RTRAF: variants seen among roughly 807,000 people sequenced by gnomAD.
RTRAF encodes RNA transcription, translation and transport factor, also known as tRNA-splicing ligase complex subunit RTRAF.
RTRAF carries 14 observed loss-of-function variants against 34.4 expected under a neutral mutation model. The ratio of observed to expected loss-of-function variants is 0.41; its 90% confidence interval spans 0.27 to 0.64. The LOEUF (loss-of-function observed/expected upper bound fraction) is 0.64. RTRAF is among the 30% of genes least tolerant of loss of function. The probability of loss-of-function intolerance (pLI) is 0.34; values close to 1 mark genes in which losing one functional copy is unlikely to be tolerated. For synonymous variants in RTRAF, 96 were observed against 95.3 expected (o/e 1.01, Z -0.04); for missense variants, 291 against 288.4 (o/e 1.01, Z -0.06).
intron 1 of RTRAF, among the ~76,000 whole-genome samples, chr14:51,990,819 T>C (rs1890420936): frequency 6.6e-6 from 1 of 152,212 alleles, no homozygotes; most frequent in Non-Finnish European, 1.5e-5. Flanking sequence ...TACTTATTAT[T>C]TTGTTGTATA....
chr14:51,992,123 G>A (rs957051249), intron 2 of RTRAF, among the ~76,000 whole-genome samples: 1 of 152,036 alleles, frequency 6.6e-6, no homozygotes, highest in African/African-American at 2.4e-5. Context: ...AATGATCTCT[G>A]GTATATCATA....
In RTRAF at chr14:51,999,705, T is replaced by C. The variant is rs1262860146; in HGVS notation, c.374-3T>C. On this transcript the variant is annotated splice_polypyrimidine_tract_variant and splice_region_variant and intron_variant, in intron 4 of 7. Coordinates refer to ENST00000261700, the MANE Select transcript of RTRAF (RefSeq NM_016039.3). ...GTTTTTGTTTGTTTTTAATCTTTTA[T>C]AGTAAATAATCCTGATTTTAAGGCT... 1.3e-6 allele frequency: 2 copies of C among 1,595,774 alleles called. No homozygotes were observed. The highest frequency in any genetic ancestry group is 1.7e-6 in the Non-Finnish European group (2 of 1,166,080).
chr14:51,999,981 C>G, intron 5 of RTRAF, 185 bp downstream of exon 5: 1 of 476,512 alleles, frequency 2.1e-6, no homozygotes, highest in Non-Finnish European at 3.7e-6. Flanking sequence ...CTGCACTATG[C>G]TAAATCCTTT....
chr14:52,004,355 A>T lies in RTRAF; in HGVS notation c.581-7A>T, dbSNP rs761641020. On this transcript the variant is annotated splice_region_variant and splice_polypyrimidine_tract_variant and intron_variant, in intron 7 of 7. Transcript: ENST00000261700. ...TATTGAAGCAGTGTTCTTTTCTCAT[A>T]AAACAGATGCAGTTCTTAATGAAGC... is the stretch of plus-strand genomic sequence containing the variant. The T allele has an allele frequency of 3.1e-6, 5 of 1,612,936 alleles. No homozygotes were observed. The South Asian group carries it at 5.5e-5, about 18-fold the overall frequency.
chr14:51,996,442 C>A (rs1213181604), intron 3 of RTRAF, among the ~76,000 whole-genome samples: 1 of 152,024 alleles, frequency 6.6e-6, no homozygotes, highest in African/African-American at 2.4e-5. Flanking sequence ...TTGCGCTCTA[C>A]TATTTTTTGA....
Position 52,005,400 on chromosome 14 carries a change from T to G in RTRAF, c.*884T>G. On this transcript the variant is annotated 3_prime_UTR_variant, in exon 8 of 8. Transcript: ENST00000261700. The stretch of plus-strand genomic sequence containing the variant: ...AGGAACGTCTAATGGCCAATTCCTT[T>G]TTTACTTTCTTTGCCTTTGCAGTCA... 1 of 1,353,466 alleles carries G rather than the reference T, an allele frequency of 7.4e-7. No individual in the cohort carries two copies. The highest frequency in any genetic ancestry group is 9.9e-7 in the Non-Finnish European group (1 of 1,011,208). 83.8% of individuals were successfully genotyped at this position (1,353,466 alleles called of 1,614,324 possible).
intron 3 of RTRAF, chr14:51,997,847 A>G (rs1890544237): frequency 6.6e-6 from 1 of 151,764 alleles, no homozygotes; most frequent in South Asian, 2.1e-4. Context: ...CCCTCCTCCC[A>G]TTCTTCTACC....
rs759167238 is a variant in RTRAF at position 52,004,201 on chromosome 14, C to G, written c.539C>G (p.Pro180Arg). The G allele has an allele frequency of 2.5e-6, 4 of 1,612,472 alleles. No individual in the cohort carries two copies. The highest frequency in any genetic ancestry group is 3.4e-6 in the Non-Finnish European group (4 of 1,178,930). The change falls in exon 7 of 8, where the codon CCT becomes CGT. Residue 180 changes from proline to arginine, a missense_variant. Transcript: ENST00000261700. ...GTCTTTCTTTTTTTAAAGGGCTTAC[C>G]TGTTGCTTTAGACAAACATATTCTT... ...AKANQTKEGL[P>R]VALDKHILGF...
chr14:52,004,634 G>A lies in RTRAF; in HGVS notation c.*118G>A. The A allele has an allele frequency of 1.0e-6, 1 of 982,442 alleles. No homozygotes were observed. Among genetic ancestry groups the A allele is most frequent in the South Asian group, 1.9e-5 (1 of 53,130 alleles). 60.9% of individuals were successfully genotyped at this position (982,442 alleles called of 1,614,324 possible). Reference sequence around the variant, plus strand: ...GGAGGAAGCCCAGAAAATTGGGTATGTTCTAGAGATTTACCACCATTGCTT... The same window carrying A: ...GGAGGAAGCCCAGAAAATTGGGTATATTCTAGAGATTTACCACCATTGCTT... On this transcript the variant is annotated 3_prime_UTR_variant, in exon 8 of 8. Transcript: ENST00000261700.
In RTRAF at chr14:52,007,726, G is replaced by C. The variant is rs1444719524; in HGVS notation, c.*3210G>C. ...CAAAGAAAGGAGATCTAAGTGATGGGATTTCATTTTGTAGTAAAATCTGTT... is the reference window on the plus strand; with the variant it reads ...CAAAGAAAGGAGATCTAAGTGATGGCATTTCATTTTGTAGTAAAATCTGTT... On this transcript the variant is annotated 3_prime_UTR_variant, in exon 8 of 8. Coordinates refer to ENST00000261700, the MANE Select transcript of RTRAF (RefSeq NM_016039.3). 5.0e-6 allele frequency: 6 copies of C among 1,195,640 alleles called. No individual in the cohort carries two copies. The highest frequency in any genetic ancestry group is 6.1e-6 in the Non-Finnish European group (5 of 823,244). 74.1% of individuals were successfully genotyped at this position (1,195,640 alleles called of 1,614,324 possible).
At position 51,989,681 on chromosome 14, in the gene RTRAF, C is replaced by T. The variant is rs1430611723; in HGVS notation, c.42C>T (p.Pro14=). The stretch of plus-strand genomic sequence containing the variant: ...TGACGGCTCTCGACTACCACAACCC[C>T]GCCGGCTTCAACTGCAAAGGTGAGG... The part of the protein sequence containing the change: ...RKLTALDYHN[P]AGFNCKDETE... Residue 14 remains proline, a synonymous_variant, in exon 1 of 8, where the codon CCC becomes CCT. Coordinates refer to ENST00000261700, the MANE Select transcript of RTRAF (RefSeq NM_016039.3). The T allele has an allele frequency of 2.5e-6, 4 of 1,605,268 alleles. No individual in the cohort carries two copies. In the South Asian group the frequency reaches 4.5e-5, roughly 18 times the overall value.
Position 52,004,412 on chromosome 14 carries a change from G to A in RTRAF, c.631G>A (p.Glu211Lys). Reference protein sequence around the residue: ...AQILRLLHIEELRELQTKINE... With the variant: ...AQILRLLHIEKLRELQTKINE... The stretch of plus-strand genomic sequence containing the variant: ...AATTCTGCGATTGCTGCACATAGAG[G>A]AGCTCAGAGAGCTACAGACAAAAAT... The change falls in exon 8 of 8, where the codon GAG (glutamate) becomes AAG (lysine). Residue 211 changes from glutamate (E) to lysine (K), a missense_variant. Coordinates refer to ENST00000261700, the MANE Select transcript of RTRAF (RefSeq NM_016039.3). The A allele has an allele frequency of 6.2e-7, 1 of 1,613,888 alleles. No homozygotes were observed.
At chr14:52,002,912 G>C (rs868538377) in intron 6 of RTRAF, among the ~76,000 whole-genome samples, 1 of 152,130 alleles carries the variant, frequency 6.6e-6, no homozygotes, top group Non-Finnish European at 1.5e-5. Context: ...TATATGAATC[G>C]AGCCACTGGA....
At position 52,005,556 on chromosome 14, in the gene RTRAF, C is replaced by T. The variant is rs569888830; in HGVS notation, c.*1040C>T. Reference sequence around the variant, plus strand: ...GGGTGAGTATATTGTAACCAAGTTGCAACAGCAAGTCTTTGCATTTTGTGT... The same window carrying T: ...GGGTGAGTATATTGTAACCAAGTTGTAACAGCAAGTCTTTGCATTTTGTGT... On this transcript the variant is annotated 3_prime_UTR_variant, in exon 8 of 8. Transcript: ENST00000261700. 2 of 1,563,008 alleles carry T rather than the reference C, an allele frequency of 1.3e-6. No individual in the cohort carries two copies. The highest frequency in any genetic ancestry group is 1.7e-6 in the Non-Finnish European group (2 of 1,149,992).
In RTRAF at chr14:51,989,884, G is replaced by GC. The variant is rs1384707921; in HGVS notation, c.61+187dup. Among the ~76,000 whole-genome samples the GC allele has an allele frequency of 1.2e-4, 18 of 152,332 alleles. No individual in the cohort carries two copies. In the South Asian group the frequency reaches 3.5e-3, roughly 30 times the overall value. ...TTCGCCGCCCCTTCCCGCCTTTAAA[G>GC]CCCTCTCACCTACTCCTGTCTCGGC... On this transcript the variant is annotated intron_variant, in intron 1 of 7. Transcript: ENST00000261700.
intron 6 of RTRAF, among the ~76,000 whole-genome samples, chr14:52,003,157 A>G (rs1301871401): frequency 6.6e-6 from 1 of 152,238 alleles, no homozygotes; most frequent in Admixed American, 6.5e-5. Context: ...ATACCAGCCT[A>G]TAACAATTTA....
rs749559241 is a variant in RTRAF at position 51,999,699 on chromosome 14, C to A, written c.374-9C>A. On this transcript the variant is annotated splice_polypyrimidine_tract_variant and intron_variant, in intron 4 of 7. Transcript: ENST00000261700. ...TTGTAAGTTTTTGTTTGTTTTTAAT[C>A]TTTTATAGTAAATAATCCTGATTTT... The A allele has an allele frequency of 4.4e-6, 7 of 1,588,140 alleles. No individual in the cohort carries two copies. Among genetic ancestry groups the A allele is most frequent in the African/African-American group, 1.3e-5 (1 of 74,324 alleles).
At chr14:51,992,330 C>T (rs1460738976) in intron 2 of RTRAF, among the ~76,000 whole-genome samples, 3 of 152,166 alleles carry the variant, frequency 2.0e-5, no homozygotes, top group Non-Finnish European at 4.4e-5. Flanking sequence ...TGTGATTAGG[C>T]ACTTTCTCCC....
chr14:52,004,371 T>G lies in RTRAF; in HGVS notation c.590T>G (p.Leu197Arg). The G allele has an allele frequency of 6.2e-7, 1 of 1,613,558 alleles. No homozygotes were observed. The highest frequency in any genetic ancestry group is 8.5e-7 in the Non-Finnish European group (1 of 1,179,780). ...ILGFDTGDAV[L>R]NEAAQILRLL... is the part of the protein sequence containing the mutation. ...TTTTCTCATAAAACAGATGCAGTTC[T>G]TAATGAAGCTGCTCAAATTCTGCGA... The change falls in exon 8 of 8, where the codon CTT becomes CGT. Residue 197 changes from leucine (L) to arginine (R), a missense_variant. Physicochemically the swap from Leu to Arg is moderately radical, Grantham distance 102 (BLOSUM62 -2). Transcript: ENST00000261700.
Sources: gnomAD v4.1 joint callset for allele counts (sites outside exome capture counted in the v4.1 genomes callset) on GRCh38, gnomAD v4.1.1 for gene constraint, MANE v1.5 for transcripts, NCBI Gene and HGNC (gene_info 2026-07-23, HGNC 2026-07-21) for gene names.